IFT52: variants seen among roughly 807,000 people sequenced by gnomAD.
The protein encoded by IFT52 is intraflagellar transport protein 52 homolog.
IFT52 carries 44 observed loss-of-function variants against 54.4 expected under a neutral mutation model. The ratio of observed to expected loss-of-function variants is 0.81; its 90% CI spans 0.63 to 1.04. The LOEUF (loss-of-function observed/expected upper bound fraction) is 1.04, where lower values mean the gene tolerates loss of function less well. Ranked by LOEUF, IFT52 falls within the 50% of genes least tolerant of loss-of-function variation. IFT52 has a pLI of 0.00. For missense variants in IFT52, 452 were observed against 523.6 expected, an observed-to-expected ratio of 0.86 and a Z score of 1.33; for synonymous variants, 181 against 185.3, an observed-to-expected ratio of 0.98 and a Z score of 0.19.
chr20:43,636,945 A>T (rs1364672811), intron 11 of IFT52, among the ~76,000 whole-genome samples, 200 bp from the exon 12 acceptor site: 2 of 152,172 alleles, frequency 1.3e-5, no homozygotes, highest in African/African-American at 4.8e-5. Context: ...TTTCATCCTC[A>T]GGGAAGAGCC....
Position 43,592,377 on chromosome 20 carries a change from A to G in IFT52, c.-7+1323A>G, listed in dbSNP as rs181944133. ...AATGAAGCCCATTTTGAGCACCACAATAATTTCCAAATGGACTAAAATTTA... is the reference window on the plus strand; with the variant it reads ...AATGAAGCCCATTTTGAGCACCACAGTAATTTCCAAATGGACTAAAATTTA... On this transcript the variant is annotated intron_variant, in intron 1 of 13. Transcript: ENST00000373030. Among the ~76,000 whole-genome samples the G allele has an allele frequency of 6.8e-4, 103 of 152,264 alleles. 1 individual carries two copies. The highest frequency in any genetic ancestry group is 1.8e-3 in the Admixed American group (28 of 15,278).
intron 12 of IFT52, among the ~76,000 whole-genome samples, chr20:43,639,381 A>AC (rs2145674577): frequency 6.6e-6 from 1 of 151,994 alleles, no homozygotes; most frequent in South Asian, 2.1e-4. Context: ...CAAAAAAACA[A>AC]AAAAAAAGGC....
At chr20:43,599,773 T>C (rs117442533) in intron 3 of IFT52, among the ~76,000 whole-genome samples, 1 of 152,308 alleles carries the variant, frequency 6.6e-6, no homozygotes, top group East Asian at 1.9e-4. Flanking sequence ...CTGAACAGTC[T>C]TTCCTTATTT....
intron 2 of IFT52, among the ~76,000 whole-genome samples, chr20:43,595,633 C>T (rs896569673): frequency 7.2e-5 from 11 of 152,152 alleles, no homozygotes; most frequent in Non-Finnish European, 1.5e-4. Flanking sequence ...TGCCTGTAAT[C>T]CCAGCACTTT....
chr20:43,611,395 G>A (rs1280663801), intron 6 of IFT52, among the ~76,000 whole-genome samples: 1 of 146,300 alleles, frequency 6.8e-6, no homozygotes, highest in Non-Finnish European at 1.5e-5. Flanking sequence ...GTTCTGTTTT[G>A]GGGATGGGTG....
At chr20:43,632,260 CT>C (rs543473471) in intron 10 of IFT52, among the ~76,000 whole-genome samples, 5 of 145,362 alleles carry the variant, frequency 3.4e-5, no homozygotes, top group East Asian at 2.1e-4. Flanking sequence ...TTCCTGACAT[CT>C]TTTTTTTTTC....
chr20:43,600,202 G>A (rs1158082737), intron 3 of IFT52, among the ~76,000 whole-genome samples: 1 of 152,120 alleles, frequency 6.6e-6, no homozygotes, highest in Non-Finnish European at 1.5e-5. Flanking sequence ...AGGTACATAT[G>A]CAGACTGGTG....
At chr20:43,610,738 CAAAAAAAAAAGA>C (rs1217956394) in intron 6 of IFT52, among the ~76,000 whole-genome samples, 1 of 116,158 alleles carries the variant, frequency 8.6e-6, no homozygotes, top group Admixed American at 9.2e-5. Context: ...GACTCCGTCT[CAAAAAAAAAAGA>C]AAAAAAAAAA....
intron 13 of IFT52, among the ~76,000 whole-genome samples, chr20:43,645,562 A>G (rs1462981412): frequency 1.8e-5 from 1 of 54,294 alleles, no homozygotes; most frequent in Admixed American, 2.1e-4. Context: ...GTCCCCCCCA[A>G]AAAAAGAAGA....
intron 7 of IFT52, chr20:43,618,252 C>T (rs1315675282): frequency 6.7e-6 from 1 of 148,824 alleles, no homozygotes; most frequent in South Asian, 2.1e-4. Flanking sequence ...GACAGGGTTT[C>T]CCAGGCTGGA....
chr20:43,630,083 C>G (rs1158688758), intron 10 of IFT52, among the ~76,000 whole-genome samples: 1 of 151,566 alleles, frequency 6.6e-6, no homozygotes, highest in Non-Finnish European at 1.5e-5. Flanking sequence ...TGCATCACCC[C>G]TTCCACAGGT....
rs761220324 is a variant in IFT52 at position 43,605,066 on chromosome 20, A to T, written c.478A>T (p.Asn160Tyr). Residue 160 changes from asparagine (N) to tyrosine (Y), a missense_variant, in exon 6 of 14, where the codon AAT becomes TAT. Transcript: ENST00000373030. ...GIIDEESSGN[N>Y]AQALTFVYPF... ...CATTGATGAGGAAAGCAGTGGAAAC[A>T]ATGCCCAGTGAGTGTGTTTTCTGAT... 12 of 1,613,602 alleles carry T rather than the reference A, an allele frequency of 7.4e-6. No homozygotes were observed. Among genetic ancestry groups the T allele is most frequent in the Non-Finnish European group, 1.0e-5 (12 of 1,179,810 alleles).
chr20:43,594,707 A>T lies in IFT52; in HGVS notation c.9A>T (p.Lys3Asn), dbSNP rs1346797673. Reference sequence around the variant, plus strand: ...TCTTCCATAAGGTAACCATGGAGAAAGAGCTGCGGAGCACCATTCTTTTCA... The same window carrying T: ...TCTTCCATAAGGTAACCATGGAGAATGAGCTGCGGAGCACCATTCTTTTCA... ME[K>N]ELRSTILFNA... The change falls in exon 2 of 14, where the codon AAA becomes AAT. Residue 3 changes from lysine (K) to asparagine (N), a missense_variant. Transcript: ENST00000373030. 1 of 1,585,166 alleles carries T rather than the reference A, an allele frequency of 6.3e-7. No individual in the cohort carries two copies. The highest frequency in any genetic ancestry group is 1.3e-5 in the African/African-American group (1 of 74,456).
intron 12 of IFT52, among the ~76,000 whole-genome samples, chr20:43,641,425 A>C (rs574505530): frequency 6.6e-5 from 10 of 151,118 alleles, no homozygotes; most frequent in African/African-American, 2.2e-4. Context: ...TTTAGTAGAG[A>C]TAGGGTTTCT....
At chr20:43,638,500 A>T (rs1985698907) in intron 12 of IFT52, among the ~76,000 whole-genome samples, 1 of 152,090 alleles carries the variant, frequency 6.6e-6, no homozygotes, top group African/African-American at 2.4e-5. Flanking sequence ...CAACTTCTAC[A>T]CTATTTATTT....
In IFT52 at chr20:43,604,178, C is replaced by T. The variant is rs761629125; in HGVS notation, c.338-5C>T. 4.4e-6 allele frequency: 7 copies of T among 1,595,740 alleles called. No individual in the cohort carries two copies. In the South Asian group the frequency reaches 7.7e-5, roughly 18 times the overall value. On this transcript the variant is annotated splice_polypyrimidine_tract_variant and splice_region_variant and intron_variant, in intron 4 of 13. Coordinates refer to ENST00000373030, the MANE Select transcript of IFT52 (RefSeq NM_016004.5). ...AATATACCTCCTTCTCTTTTTCCCT[C>T]ATAGATGCTGTGGTTAGAAATGTAT...
chr20:43,603,954 C>T, intron 4 of IFT52, 65 bp downstream of exon 4: 1 of 1,197,154 alleles, frequency 8.4e-7, no homozygotes, highest in South Asian at 1.3e-5. Flanking sequence ...TATCATAGCC[C>T]TCTAGGTCCA....
intron 13 of IFT52, 27 bp from the exon 14 acceptor site, chr20:43,646,909 A>T: frequency 6.3e-7 from 1 of 1,596,686 alleles, no homozygotes; most frequent in Non-Finnish European, 8.6e-7. Context: ...GAAATACTAA[A>T]ATTCTGTGTC....
intron 10 of IFT52, among the ~76,000 whole-genome samples, chr20:43,626,308 A>G (rs947683817): frequency 6.0e-5 from 9 of 151,232 alleles, no homozygotes; most frequent in African/African-American, 2.2e-4. Flanking sequence ...TTTTTGCCCA[A>G]GCTGGAGTGC....
Sources: allele counts gnomAD v4.1 joint callset (sites outside exome capture counted in the v4.1 genomes callset), GRCh38; gene constraint gnomAD v4.1.1; transcripts MANE v1.5; gene names NCBI Gene and HGNC (gene_info 2026-07-23, HGNC 2026-07-21).